The following MTSS1 variants were observed in gnomAD, a reference collection of about 807,000 sequenced individuals.
The protein encoded by MTSS1 is protein MTSS 1.
MTSS1 carries 18 observed loss-of-function variants against 79.0 expected under a neutral mutation model. That is an observed-to-expected ratio of 0.23 (90% CI 0.16 to 0.34). The LOEUF is 0.34. MTSS1 is among the 10% of genes least tolerant of loss of function. The pLI is 1.00. For missense variants in MTSS1, 815 were observed against 986.2 expected, an observed-to-expected ratio of 0.83 and a Z score of 2.33; for synonymous variants, 341 against 368.6, an observed-to-expected ratio of 0.93 and a Z score of 0.86.
rs1376360832 is a variant in MTSS1 at position 124,553,039 on chromosome 8, G to A, written c.2221C>T (p.Leu741=). ...CGATCGTTTGTCGTGGTCTTCTTCAGTTTCACGCCCCTTCGGATGGCGTTC... is the reference window on the plus strand; with the variant it reads ...CGATCGTTTGTCGTGGTCTTCTTCAATTTCACGCCCCTTCGGATGGCGTTC... The part of the protein sequence containing the change: ...MLNAIRRGVK[L]KKTTTNDRSA... The change falls in exon 14 of 14, where the codon CTG becomes TTG. Residue 741 remains leucine (L), a synonymous_variant. Transcript: ENST00000518547. The surrounding 1 kb of genome is among the most constrained non-coding windows in gnomAD (Gnocchi z 6.0). 3.1e-6 allele frequency: 5 copies of A among 1,614,134 alleles called. No homozygotes were observed. The highest frequency in any genetic ancestry group is 4.2e-6 in the Non-Finnish European group (5 of 1,180,024).
intron 3 of MTSS1, among the ~76,000 whole-genome samples, chr8:124,661,173 A>AC (rs1298364044): frequency 6.6e-6 from 1 of 152,228 alleles, no homozygotes; most frequent in Non-Finnish European, 1.5e-5. Flanking sequence ...CAGCTCACCA[A>AC]CACATGTAGG....
chr8:124,664,977 T>C (rs1256197246), intron 3 of MTSS1, among the ~76,000 whole-genome samples: 1 of 152,242 alleles, frequency 6.6e-6, no homozygotes, highest in Non-Finnish European at 1.5e-5. Flanking sequence ...GCAGGATTTT[T>C]TTTTTCCTTA....
chr8:124,578,487 C>T (rs759850106), intron 6 of MTSS1, among the ~76,000 whole-genome samples: 1 of 152,082 alleles, frequency 6.6e-6, no homozygotes, highest in Non-Finnish European at 1.5e-5. Context: ...CCAGGTTACA[C>T]CTTTTGCTTA....
At chr8:124,568,237 A>G (rs1826952861) in intron 7 of MTSS1, 142 bp downstream of exon 7, 2 of 954,102 alleles carry the variant, frequency 2.1e-6, no homozygotes, top group Non-Finnish European at 3.0e-6. Flanking sequence ...ACTTGCACTG[A>G]ATCGCTGGTC....
chr8:124,685,954 G>C (rs1179681046), intron 3 of MTSS1, among the ~76,000 whole-genome samples: 1 of 152,206 alleles, frequency 6.6e-6, no homozygotes, highest in Non-Finnish European at 1.5e-5. Context: ...CAAGGAGCCA[G>C]CAGTCGGAAG....
At chr8:124,655,073 GC>G (rs1399999375) in intron 3 of MTSS1, among the ~76,000 whole-genome samples, 2 of 152,084 alleles carry the variant, frequency 1.3e-5, no homozygotes, top group Non-Finnish European at 2.9e-5. Flanking sequence ...CTGCTCTCTA[GC>G]CCCCTAAACA....
In MTSS1 at chr8:124,555,905, C is replaced by T; in HGVS notation, c.1405-1G>A. 6.2e-7 allele frequency: 1 copy of T among 1,605,982 alleles called. No individual in the cohort carries two copies. The highest frequency in any genetic ancestry group is 8.5e-7 in the Non-Finnish European group (1 of 1,179,778). On this transcript the variant is annotated splice_acceptor_variant, in intron 12 of 13. Coordinates refer to ENST00000518547, the MANE Select transcript of MTSS1 (RefSeq NM_014751.6). LOFTEE classifies it high-confidence loss of function. ...CACAAGCCTCCATCTCCTCACCAGG[C>T]TGCAGGTTGGAGGAGAGAAATACAC...
chr8:124,559,900 G>A (rs1373605299), intron 10 of MTSS1, among the ~76,000 whole-genome samples: 3 of 152,172 alleles, frequency 2.0e-5, no homozygotes, highest in East Asian at 1.9e-4. Flanking sequence ...TTATCTGAAA[G>A]TGTTCCTGTA....
At position 124,710,491 on chromosome 8, in the gene MTSS1, C is replaced by T. The variant is rs571753612; in HGVS notation, c.73-6300G>A. Among the ~76,000 whole-genome samples, 3 of 152,314 alleles carry T rather than the reference C, an allele frequency of 2.0e-5. No individual in the cohort carries two copies. In the East Asian group the frequency reaches 5.8e-4, roughly 29 times the overall value. On this transcript the variant is annotated intron_variant, in intron 1 of 13. Transcript: ENST00000518547. Reference sequence around the variant, plus strand: ...CAAAGTGGAGCTTAGGAGACACCGCCGAGTGCCTCTCCTCATCTTCCTCCT... The same window carrying T: ...CAAAGTGGAGCTTAGGAGACACCGCTGAGTGCCTCTCCTCATCTTCCTCCT...
intron 1 of MTSS1, among the ~76,000 whole-genome samples, chr8:124,708,943 A>T (rs1443748733): frequency 6.6e-6 from 1 of 152,186 alleles, no homozygotes; most frequent in Non-Finnish European, 1.5e-5. Flanking sequence ...TGAAAAAAAA[A>T]AAAAGTGAGT....
At chr8:124,715,622 G>C (rs571775683) in intron 1 of MTSS1, among the ~76,000 whole-genome samples, 1 of 152,304 alleles carries the variant, frequency 6.6e-6, no homozygotes, top group Non-Finnish European at 1.5e-5. Flanking sequence ...TGCCCTGGTA[G>C]CCAGTAAAGA....
chr8:124,596,170 T>C (rs1481556588), intron 3 of MTSS1, among the ~76,000 whole-genome samples: 2 of 152,204 alleles, frequency 1.3e-5, no homozygotes, highest in South Asian at 4.1e-4. Flanking sequence ...CACCCCAGTT[T>C]TGCAAGCATA....
At chr8:124,714,811 A>G (rs1215220192) in intron 1 of MTSS1, among the ~76,000 whole-genome samples, 1 of 152,194 alleles carries the variant, frequency 6.6e-6, no homozygotes, top group East Asian at 1.9e-4. Flanking sequence ...GGTTCACCTA[A>G]GACTGACTGA....
At chr8:124,710,992 G>A (rs1173659737) in intron 1 of MTSS1, among the ~76,000 whole-genome samples, 1 of 152,210 alleles carries the variant, frequency 6.6e-6, no homozygotes, top group Non-Finnish European at 1.5e-5. Context: ...GTGCCAGACA[G>A]AGGCTGGCTC....
At chr8:124,718,029 G>C (rs562341731) in intron 1 of MTSS1, among the ~76,000 whole-genome samples, 2 of 152,328 alleles carry the variant, frequency 1.3e-5, no homozygotes, top group East Asian at 1.9e-4. Context: ...AAGGACGCCA[G>C]GCCGCTAAGT....
At chr8:124,650,041 T>A (rs1323113294) in intron 3 of MTSS1, among the ~76,000 whole-genome samples, 1 of 151,928 alleles carries the variant, frequency 6.6e-6, no homozygotes, top group Non-Finnish European at 1.5e-5. Flanking sequence ...TTTTTTTTTT[T>A]TTCCCTCGAG....
intron 3 of MTSS1, among the ~76,000 whole-genome samples, chr8:124,668,256 C>T (rs1459767909): frequency 2.0e-5 from 3 of 152,150 alleles, no homozygotes; most frequent in Non-Finnish European, 4.4e-5. Flanking sequence ...CAATCAGTTC[C>T]ACGTGCCCTG....
Position 124,672,658 on chromosome 8 carries a change from A to C in MTSS1, c.208+26868T>G, listed in dbSNP as rs186226050. Among the ~76,000 whole-genome samples, 516 of 152,196 alleles carry C rather than the reference A, an allele frequency of 3.4e-3. 2 individuals carry two copies. The highest frequency in any genetic ancestry group is 0.012 in the African/African-American group (503 of 41,512). The stretch of plus-strand genomic sequence containing the variant: ...TCATCTCTACAAAATAATTTAAAAA[A>C]AAATAGCTGGGTGTGGTGGCATGCA... On this transcript the variant is annotated intron_variant, in intron 3 of 13. Coordinates refer to ENST00000518547, the MANE Select transcript of MTSS1 (RefSeq NM_014751.6).
Position 124,562,878 on chromosome 8 carries a change from C to T in MTSS1, c.939G>A (p.Arg313=). 1 of 1,614,146 alleles carries T rather than the reference C, an allele frequency of 6.2e-7. No homozygotes were observed. Among genetic ancestry groups the T allele is most frequent in the Non-Finnish European group, 8.5e-7 (1 of 1,180,022 alleles). The part of the protein sequence containing the change: ...SSNLAQQAPV[R]LSSVSSHDSG... ...AGTCATGGGAGGACACGCTGGACAG[C>T]CTCACAGGAGCCTGCTGGGCCAGGT... Residue 313 remains arginine, a synonymous_variant, in exon 10 of 14, where the codon AGG becomes AGA. Coordinates refer to ENST00000518547, the MANE Select transcript of MTSS1 (RefSeq NM_014751.6).
Sources: gnomAD v4.1 joint callset for allele counts (sites outside exome capture counted in the v4.1 genomes callset) on GRCh38, gnomAD v4.1.1 for gene constraint, Gnocchi (gnomAD v3.1) non-coding constraint, MANE v1.5 for transcripts, NCBI Gene and HGNC (gene_info 2026-07-23, HGNC 2026-07-21) for gene names.